Variants in PRKCA observed in about 807,000 individuals in gnomAD.
PRKCA encodes the protein protein kinase C alpha.
PRKCA carries 27 observed loss-of-function variants against 87.0 expected under a neutral mutation model. The observed-to-expected ratio is 0.31, with a 90% confidence interval of 0.23 to 0.43. The LOEUF (loss-of-function observed/expected upper bound fraction) is 0.43, where lower values mean the gene tolerates loss of function less well. PRKCA is among the 20% of genes least tolerant of loss of function. The pLI is 1.00. For synonymous variants in PRKCA, 329 were observed against 311.1 expected (o/e 1.06, Z -0.61); for missense variants, 518 against 852.3 (o/e 0.61, Z 4.88).
intron 3 of PRKCA, among the ~76,000 whole-genome samples, chr17:66,527,676 CTG>C (rs1000103589): frequency 6.6e-6 from 1 of 152,208 alleles, no homozygotes; most frequent in African/African-American, 2.4e-5. Flanking sequence ...CAGCATATAT[CTG>C]TACTGCTGTT....
At chr17:66,362,535 C>T (rs918065957) in intron 2 of PRKCA, among the ~76,000 whole-genome samples, 2 of 152,184 alleles carry the variant, frequency 1.3e-5, no homozygotes, top group Admixed American at 1.3e-4. Context: ...GGATCCTGAG[C>T]TCCTTAAGGT....
At chr17:66,496,377 T>C in intron 3 of PRKCA, 94 bp downstream of exon 3, 1 of 1,048,860 alleles carries the variant, frequency 9.5e-7, no homozygotes, top group Non-Finnish European at 1.5e-6. Flanking sequence ...TGGCACTTAC[T>C]GTTAATGGGA....
intron 2 of PRKCA, among the ~76,000 whole-genome samples, chr17:66,451,348 ATTTATTT>A (rs1914305298): frequency 3.5e-5 from 3 of 84,830 alleles, no homozygotes; most frequent in African/African-American, 8.9e-5. Flanking sequence ...GTTAGAATTT[ATTTATTT>A]ATTTATTTAT....
intron 6 of PRKCA, 64 bp downstream of exon 6, chr17:66,687,331 T>C (rs1187676459): frequency 1.3e-5 from 19 of 1,508,936 alleles, no homozygotes; most frequent in African/African-American, 1.4e-5. Flanking sequence ...ACCTCATTAT[T>C]TGAGGTAATG....
Position 66,391,924 on chromosome 17 carries a change from T to TA in PRKCA, c.205+85798dup, listed in dbSNP as rs536954156. 2.6e-5 allele frequency among the ~76,000 whole-genome samples: 4 copies of TA among 152,208 alleles called. No individual in the cohort carries two copies. The South Asian group carries it at 6.2e-4, about 24-fold the overall frequency. The stretch of plus-strand genomic sequence containing the variant: ...AAATATTTCAGTCTTAGGAATAAGA[T>TA]ACGCCATTAGAAACTGTGGTTACAG... On this transcript the variant is annotated intron_variant, in intron 2 of 16. Coordinates refer to ENST00000413366, the MANE Select transcript of PRKCA (RefSeq NM_002737.3).
intron 2 of PRKCA, among the ~76,000 whole-genome samples, chr17:66,484,592 G>A (rs1376438637): frequency 6.6e-6 from 1 of 152,122 alleles, no homozygotes; most frequent in African/African-American, 2.4e-5. Flanking sequence ...TCAGCTAATG[G>A]AGAAAAAGAG....
intron 3 of PRKCA, among the ~76,000 whole-genome samples, chr17:66,518,893 C>T (rs1211112860): frequency 6.6e-6 from 1 of 152,054 alleles, no homozygotes; most frequent in Non-Finnish European, 1.5e-5. Flanking sequence ...TAAGGGACTC[C>T]CTGAAATGGA....
At chr17:66,489,695 A>G (rs1916150525) in intron 2 of PRKCA, among the ~76,000 whole-genome samples, 1 of 151,896 alleles carries the variant, frequency 6.6e-6, no homozygotes, top group African/African-American at 2.4e-5. Context: ...TATAGAATGG[A>G]AGCAAATTCA....
At chr17:66,377,139 C>T (rs1909467727) in intron 2 of PRKCA, among the ~76,000 whole-genome samples, 1 of 152,148 alleles carries the variant, frequency 6.6e-6, no homozygotes, top group Non-Finnish European at 1.5e-5. Context: ...GATTTTCCTG[C>T]CTCAGCCTCC....
At chr17:66,346,964 G>A (rs567709574) in intron 2 of PRKCA, among the ~76,000 whole-genome samples, 1 of 151,882 alleles carries the variant, frequency 6.6e-6, no homozygotes, top group East Asian at 1.9e-4. Context: ...GCGGGAGGCG[G>A]AGGTTGCAGG....
chr17:66,701,861 T>C (rs189367671), intron 8 of PRKCA, among the ~76,000 whole-genome samples: 102 of 152,152 alleles, frequency 6.7e-4, no homozygotes, highest in Middle Eastern at 3.4e-3. Flanking sequence ...ACACTGTTGG[T>C]GGGAATGTAA....
At chr17:66,661,987 T>C (rs976955049) in intron 5 of PRKCA, among the ~76,000 whole-genome samples, 2 of 152,230 alleles carry the variant, frequency 1.3e-5, no homozygotes, top group Non-Finnish European at 1.5e-5. Context: ...TCACGAGGAA[T>C]TCCTACTGCG....
At chr17:66,587,773 A>T (rs543532933) in intron 3 of PRKCA, among the ~76,000 whole-genome samples, 2 of 76,106 alleles carry the variant, frequency 2.6e-5, no homozygotes, top group Non-Finnish European at 5.5e-5. Context: ...ATATACGTAT[A>T]TGTGTGTATA....
intron 8 of PRKCA, among the ~76,000 whole-genome samples, chr17:66,690,827 CAAAAAAAA>C (rs34671486): frequency 0.021 from 1,376 of 66,614 alleles, 39 homozygotes; most frequent in African/African-American, 0.078. Flanking sequence ...GACTCTGTCT[CAAAAAAAA>C]AAAAAAAAAA....
chr17:66,318,790 G>T (rs529104463), intron 2 of PRKCA, among the ~76,000 whole-genome samples: 10 of 152,094 alleles, frequency 6.6e-5, no homozygotes, highest in African/African-American at 2.4e-4. Flanking sequence ...GGGAGGCAGA[G>T]GTTGCAGTGA....
intron 2 of PRKCA, among the ~76,000 whole-genome samples, chr17:66,487,744 G>A (rs577516488): frequency 2.0e-5 from 3 of 152,100 alleles, no homozygotes; most frequent in South Asian, 4.1e-4. Context: ...TGTGATTTTC[G>A]TTTGCATTTC....
intron 2 of PRKCA, among the ~76,000 whole-genome samples, chr17:66,422,063 C>T (rs903918902): frequency 1.3e-4 from 20 of 152,054 alleles, no homozygotes; most frequent in Admixed American, 2.0e-4. Context: ...TGTATCTTTA[C>T]GTGGTTTTCT....
chr17:66,580,929 G>GC (rs11349506), intron 3 of PRKCA, among the ~76,000 whole-genome samples: 4,081 of 150,992 alleles, frequency 0.027, 151 homozygotes, highest in East Asian at 0.14. Flanking sequence ...GAGATTTGTT[G>GC]CCCCCCCCCA....
intron 3 of PRKCA, among the ~76,000 whole-genome samples, chr17:66,516,645 A>G (rs1291845915): frequency 2.0e-5 from 3 of 152,082 alleles, no homozygotes; most frequent in South Asian, 4.1e-4. Flanking sequence ...AAAAAAAAGA[A>G]TAAGTTGCAG....
Sources: gnomAD v4.1 joint callset for allele counts (sites outside exome capture counted in the v4.1 genomes callset) on GRCh38, gnomAD v4.1.1 for gene constraint, MANE v1.5 for transcripts, NCBI Gene and HGNC (gene_info 2026-07-23, HGNC 2026-07-21) for gene names.